FGFRL1: variants seen among roughly 807,000 people sequenced by gnomAD.
FGFRL1 encodes the protein fibroblast growth factor receptor like 1.
In FGFRL1, 24 loss-of-function variants were observed where a neutral mutation model predicts 36.8. The observed-to-expected ratio is 0.65, with a 90% CI of 0.47 to 0.92. FGFRL1 has a LOEUF of 0.92. Among genes scored for constraint, FGFRL1 ranks in the 40% least tolerant of loss-of-function variants. The pLI, the probability that FGFRL1 is intolerant of heterozygous loss-of-function variation, is 0.00. For missense variants in FGFRL1, 785 were observed against 753.4 expected, an observed-to-expected ratio of 1.04 and a Z score of -0.49; for synonymous variants, 422 against 344.1, an observed-to-expected ratio of 1.23 and a Z score of -2.50.
At chr4:1,024,847 T>C (rs980965888) in intron 6 of FGFRL1, 58 bp from the exon 7 acceptor site, 7 of 1,516,058 alleles carry the variant, frequency 4.6e-6, no homozygotes, top group Non-Finnish European at 6.2e-6. Flanking sequence ...TCTGGGGTGC[T>C]CTCCTGGTCT....
At chr4:1,024,793 G>A (rs1274993215) in intron 6 of FGFRL1, 112 bp from the exon 7 acceptor site, 10 of 1,407,324 alleles carry the variant, frequency 7.1e-6, no homozygotes, top group Non-Finnish European at 8.5e-6. Context: ...ATCTGCCGAG[G>A]GAGGGCAGCC....
chr4:1,024,314 G>T lies in FGFRL1; in HGVS notation c.722G>T (p.Arg241Leu). Residue 241 changes from arginine (R) to leucine (L), a missense_variant, in exon 6 of 7, where the codon CGG (arginine) becomes CTG (leucine). Arg to Leu is a moderately radical substitution (Grantham distance 102). Transcript: ENST00000510644. ...NATYKVDVIQ[R>L]TRSKPVLTGT... ...CCCGCGTGCCACGTTCCCACAGAGC[G>T]GACCCGTTCCAAGCCCGTGCTCACA... 6.3e-7 allele frequency: 1 copy of T among 1,597,036 alleles called. No homozygotes were observed.
rs113502766 is a variant in FGFRL1 at position 1,026,729 on chromosome 4, C to T, written c.*1382C>T. 3.0e-3 allele frequency: 1,216 copies of T among 409,334 alleles called. 6 individuals carry two copies. The highest frequency in any genetic ancestry group is 3.6e-3 in the Admixed American group (123 of 34,640). The allele number at this position is 409,334 out of a possible 1,614,324, so 25.4% of individuals were successfully genotyped here. A position where few individuals can be genotyped will look rare whatever the true frequency, so the allele number is the denominator to read the frequency against. ...GTGGTCTCTCCTGGGGCCCGGGACC[C>T]GCCTGGTCTTTCAGCCATGCTGATG... On this transcript the variant is annotated 3_prime_UTR_variant, in exon 7 of 7. Coordinates refer to ENST00000510644, the MANE Select transcript of FGFRL1 (RefSeq NM_001004356.3).
At chr4:1,022,182 G>A (rs1716220419) in intron 2 of FGFRL1, 21 bp from the exon 3 acceptor site, 3 of 1,495,060 alleles carry the variant, frequency 2.0e-6, no homozygotes, top group Non-Finnish European at 2.7e-6. Context: ...CTCGCTGACT[G>A]TTCCTCGGTC....
rs759444080 is a variant in FGFRL1 at position 1,022,293 on chromosome 4, C to T, written c.170C>T (p.Pro57Leu). 5 of 1,590,142 alleles carry T rather than the reference C, an allele frequency of 3.1e-6. No individual in the cohort carries two copies. The highest frequency in any genetic ancestry group is 4.3e-6 in the Non-Finnish European group (5 of 1,169,826). Residue 57 changes from proline (P) to leucine (L), a missense_variant, in exon 3 of 7, where the codon CCG becomes CTG. Transcript: ENST00000510644. ...CTGCAGTGCCCAGTGGAGGGGGACC[C>T]GCCGCCGCTGACCATGTGGACCAAG... ...VRLQCPVEGD[P>L]PPLTMWTKDG... is the part of the protein sequence containing the mutation.
At chr4:1,016,509 G>A (rs1016118192) in intron 2 of FGFRL1, among the ~76,000 whole-genome samples, 9 of 152,250 alleles carry the variant, frequency 5.9e-5, no homozygotes, top group South Asian at 2.1e-4. Flanking sequence ...CTGGTGTGTC[G>A]AGGAGGGGGA....
intron 5 of FGFRL1, 65 bp from the exon 6 acceptor site, chr4:1,024,246 A>C (rs893784130): frequency 2.0e-6 from 3 of 1,501,572 alleles, no homozygotes; most frequent in Non-Finnish European, 2.7e-6. Flanking sequence ...TGGTGGGCCC[A>C]GGGTGCTGGC....
rs1716305040 is a variant in FGFRL1 at position 1,023,432 on chromosome 4, A to T, written c.353-209A>T. 6.6e-6 allele frequency among the ~76,000 whole-genome samples: 1 copy of T among 152,136 alleles called. No homozygotes were observed. Among genetic ancestry groups the T allele is most frequent in the Non-Finnish European group, 1.5e-5 (1 of 67,994 alleles). On this transcript the variant is annotated intron_variant, in intron 3 of 6. Coordinates refer to ENST00000510644, the MANE Select transcript of FGFRL1 (RefSeq NM_001004356.3). This position sits in a 1 kb window ranked among gnomAD's most constrained non-coding sequence, Gnocchi z 6.0. ...CGGCCCTCCAGCCCCACCCGTGCCC[A>T]TCAGGGTCACCTGCGCCCAGTGTGG...
intron 2 of FGFRL1, among the ~76,000 whole-genome samples, chr4:1,017,721 C>A (rs1356132390): frequency 6.6e-6 from 1 of 152,190 alleles, no homozygotes. Context: ...GCACGTGTGT[C>A]CCTGCCTGGG....
chr4:1,024,962 G>A lies in FGFRL1; in HGVS notation c.1130G>A (p.Trp377Ter), dbSNP rs376903367. ...ASSSSATSLPWPVVIGIPAGA... is the reference protein window; with the variant it reads ...ASSSSATSLP ...TCGTCCTCGGCCACTAGCCTGCCGT[G>A]GCCCGTGGTCATCGGCATCCCAGCC... The change falls in exon 7 of 7, where the codon TGG (tryptophan) becomes TAG (stop). Residue 377 changes from tryptophan to a stop codon, truncating the protein, a stop_gained. Transcript: ENST00000510644. LOFTEE classifies it low-confidence loss of function (END_TRUNC). 6 of 1,608,566 alleles carry A rather than the reference G, an allele frequency of 3.7e-6. No homozygotes were observed. Among genetic ancestry groups the A allele is most frequent in the Non-Finnish European group, 5.1e-6 (6 of 1,179,498 alleles).
At position 1,011,756 on chromosome 4, in the gene FGFRL1, G is replaced by A. The variant is rs1351334487; in HGVS notation, c.-215G>A. ...CGCCCCCGCCGCCTGCCCGGTCCGGGACCCCGCGCCCCGAGCGCCCGAGCC... is the reference window on the plus strand; with the variant it reads ...CGCCCCCGCCGCCTGCCCGGTCCGGAACCCCGCGCCCCGAGCGCCCGAGCC... On this transcript the variant is annotated 5_prime_UTR_variant, in exon 1 of 7. Transcript: ENST00000510644. The A allele has an allele frequency of 7.4e-6, 1 of 134,528 alleles. No individual in the cohort carries two copies. Among genetic ancestry groups the A allele is most frequent in the African/African-American group, 2.6e-5 (1 of 38,184 alleles). The allele number at this position is 134,528 out of a possible 1,614,324, so 8.3% of individuals were successfully genotyped here.
At chr4:1,013,138 C>T (rs954523915) in intron 2 of FGFRL1, among the ~76,000 whole-genome samples, 5 of 152,232 alleles carry the variant, frequency 3.3e-5, no homozygotes, top group Non-Finnish European at 7.3e-5. Flanking sequence ...AGCCGTGACG[C>T]ACCCCAGGAC....
intron 2 of FGFRL1, among the ~76,000 whole-genome samples, chr4:1,018,600 G>A (rs1447468335): frequency 1.3e-5 from 2 of 152,182 alleles, no homozygotes; most frequent in Admixed American, 6.5e-5. Context: ...CAGGGTGCAC[G>A]GCCCCGGAGG....
intron 2 of FGFRL1, among the ~76,000 whole-genome samples, chr4:1,015,811 C>T (rs1358882364): frequency 6.6e-6 from 1 of 152,232 alleles, no homozygotes; most frequent in African/African-American, 2.4e-5. Flanking sequence ...CCGTGGAGAG[C>T]TTGGGTTCCT....
chr4:1,019,079 T>C (rs911858730), intron 2 of FGFRL1, among the ~76,000 whole-genome samples: 3 of 151,938 alleles, frequency 2.0e-5, no homozygotes, highest in Admixed American at 6.5e-5. Context: ...CAGGCGGGGG[T>C]CCCGCCTCCC....
Position 1,025,139 on chromosome 4 carries a change from C to G in FGFRL1, c.1307C>G (p.Ala436Gly). The change falls in exon 7 of 7, where the codon GCC (alanine) becomes GGC (glycine). Residue 436 changes from alanine to glycine, a missense_variant. Coordinates refer to ENST00000510644, the MANE Select transcript of FGFRL1 (RefSeq NM_001004356.3). ...RSGDKDLPSLAALSAGPGVGL... is the reference protein window; with the variant it reads ...RSGDKDLPSLGALSAGPGVGL... Reference sequence around the variant, plus strand: ...GGAGACAAGGACCTTCCCTCGTTGGCCGCCCTCAGCGCTGGCCCTGGTGTG... The same window carrying G: ...GGAGACAAGGACCTTCCCTCGTTGGGCGCCCTCAGCGCTGGCCCTGGTGTG... 6.2e-7 allele frequency: 1 copy of G among 1,610,406 alleles called. No homozygotes were observed. The highest frequency in any genetic ancestry group is 8.5e-7 in the Non-Finnish European group (1 of 1,178,942).
In FGFRL1 at chr4:1,024,975, C is replaced by A; in HGVS notation, c.1143C>A (p.Ile381=). The change falls in exon 7 of 7, where the codon ATC becomes ATA. Residue 381 remains isoleucine, a synonymous_variant. Transcript: ENST00000510644. ...SATSLPWPVV[I]GIPAGAVFIL... is the part of the protein sequence containing the mutation. Reference sequence around the variant, plus strand: ...CTAGCCTGCCGTGGCCCGTGGTCATCGGCATCCCAGCCGGCGCTGTCTTCA... The same window carrying A: ...CTAGCCTGCCGTGGCCCGTGGTCATAGGCATCCCAGCCGGCGCTGTCTTCA... 1 of 1,609,670 alleles carries A rather than the reference C, an allele frequency of 6.2e-7. No homozygotes were observed. Among genetic ancestry groups the A allele is most frequent in the African/African-American group, 1.3e-5 (1 of 75,000 alleles).
In FGFRL1 at chr4:1,025,752, C is replaced by T; in HGVS notation, c.*405C>T. ...GGACACACACACACACACGGATATG[C>T]TGTCTGGACGCACACACGTGCAGAT... is the stretch of plus-strand genomic sequence containing the variant. On this transcript the variant is annotated 3_prime_UTR_variant, in exon 7 of 7. Coordinates refer to ENST00000510644, the MANE Select transcript of FGFRL1 (RefSeq NM_001004356.3). The T allele has an allele frequency of 3.5e-6, 1 of 287,312 alleles. No homozygotes were observed. Among genetic ancestry groups the T allele is most frequent in the Non-Finnish European group, 6.6e-6 (1 of 150,794 alleles). The allele number at this position is 287,312 out of a possible 1,614,324, so 17.8% of individuals were successfully genotyped here.
At chr4:1,018,952 C>T (rs1716033958) in intron 2 of FGFRL1, among the ~76,000 whole-genome samples, 1 of 152,190 alleles carries the variant, frequency 6.6e-6, no homozygotes, top group South Asian at 2.1e-4. Context: ...ATAAGCCTGG[C>T]TCCTCTGGCC....
Sources: gnomAD v4.1 joint callset for allele counts (sites outside exome capture counted in the v4.1 genomes callset) on GRCh38, gnomAD v4.1.1 for gene constraint, Gnocchi (gnomAD v3.1) non-coding constraint, MANE v1.5 for transcripts, NCBI Gene and HGNC (gene_info 2026-07-23, HGNC 2026-07-21) for gene names.